Variants in TRIM24 observed in about 807,000 individuals in gnomAD.
TRIM24 encodes transcription intermediary factor 1-alpha.
In TRIM24, 29 loss-of-function variants were observed where a neutral mutation model predicts 123.9. The observed-to-expected ratio is 0.23, with a 90% confidence interval of 0.17 to 0.32. The LOEUF (loss-of-function observed/expected upper bound fraction) is 0.32. TRIM24 is among the 10% of genes least tolerant of loss of function. The pLI is 1.00. For missense variants in TRIM24, 932 were observed against 1,295.3 expected, an observed-to-expected ratio of 0.72 and a Z score of 4.31; for synonymous variants, 456 against 461.1, an observed-to-expected ratio of 0.99 and a Z score of 0.14.
At chr7:138,465,919 C>CT (rs1795125705) in intron 1 of TRIM24, among the ~76,000 whole-genome samples, 1 of 152,212 alleles carries the variant, frequency 6.6e-6, no homozygotes, top group Non-Finnish European at 1.5e-5. Context: ...GTTTACACTG[C>CT]TTGTACTACT....
intron 1 of TRIM24, among the ~76,000 whole-genome samples, chr7:138,472,803 C>CCAGCTGAACTAAATGT (rs1353362839): frequency 3.9e-4 from 59 of 152,278 alleles, no homozygotes; most frequent in African/African-American, 1.4e-3. Context: ...CTTCCTTCAT[C>CCAGCTGAACTAAATGT]CAGCTGAACT....
At position 138,483,197 on chromosome 7, in the gene TRIM24, A is replaced by G. The variant is rs1205235540; in HGVS notation, c.365-21093A>G. ...ACACTCCTCTGGCCTTGGCCTCCCA[A>G]AGTGCTGGGATCCTAGGCATTAGCC... is the stretch of plus-strand genomic sequence containing the variant. On this transcript the variant is annotated intron_variant, in intron 1 of 18. Transcript: ENST00000343526. Among the ~76,000 whole-genome samples the G allele has an allele frequency of 2.0e-5, 3 of 151,542 alleles. No individual in the cohort carries two copies. In the East Asian group the frequency reaches 5.8e-4, roughly 30 times the overall value.
At chr7:138,521,539 G>A (rs1340559465) in intron 4 of TRIM24, among the ~76,000 whole-genome samples, 2 of 151,992 alleles carry the variant, frequency 1.3e-5, no homozygotes, top group African/African-American at 4.8e-5. Flanking sequence ...AAAAAAATGA[G>A]AAAAAGAAAT....
intron 2 of TRIM24, 114 bp downstream of exon 2, chr7:138,504,522 G>T: frequency 1.6e-6 from 1 of 607,934 alleles, no homozygotes. Context: ...TTCACAAGTG[G>T]CGCAATCTCC....
intron 1 of TRIM24, among the ~76,000 whole-genome samples, chr7:138,482,532 G>A (rs529470112): frequency 2.0e-5 from 3 of 152,120 alleles, no homozygotes; most frequent in East Asian, 1.9e-4. Flanking sequence ...GAGGCACATC[G>A]TACACATATG....
chr7:138,516,398 G>A (rs1480790518), intron 3 of TRIM24, among the ~76,000 whole-genome samples: 1 of 152,174 alleles, frequency 6.6e-6, no homozygotes, highest in Non-Finnish European at 1.5e-5. Flanking sequence ...GTCTTGCTTT[G>A]TCACCCAGGC....
intron 4 of TRIM24, among the ~76,000 whole-genome samples, chr7:138,524,128 A>G (rs1203071706): frequency 2.0e-5 from 3 of 152,214 alleles, no homozygotes; most frequent in Non-Finnish European, 2.9e-5. Flanking sequence ...AGGAAAAAGT[A>G]TATGCCTATC....
chr7:138,516,634 C>T (rs984251213), intron 3 of TRIM24, among the ~76,000 whole-genome samples: 3 of 152,076 alleles, frequency 2.0e-5, no homozygotes, highest in Non-Finnish European at 4.4e-5. Context: ...GGATTACAAG[C>T]GTGAACCACT....
Position 138,573,786 on chromosome 7 carries a change from AC to A in TRIM24, c.2014+145del, listed in dbSNP as rs1267502706. 3 of 1,000,370 alleles carry A rather than the reference AC, an allele frequency of 3.0e-6. No homozygotes were observed. In the African/African-American group the frequency reaches 4.9e-5, roughly 16 times the overall value. The allele number at this position is 1,000,370 out of a possible 1,614,324, so 62.0% of individuals were successfully genotyped here. ...TAAAATTAGTATGCTTTCAGAGAAA[AC>A]AAAGGTTAAATTTCTTTATCCTTTC... is the stretch of plus-strand genomic sequence containing the variant. On this transcript the variant is annotated intron_variant, in intron 12 of 18. Coordinates refer to ENST00000343526, the MANE Select transcript of TRIM24 (RefSeq NM_015905.3).
chr7:138,520,719 A>G (rs988801341), intron 4 of TRIM24, among the ~76,000 whole-genome samples: 1 of 152,166 alleles, frequency 6.6e-6, no homozygotes, highest in African/African-American at 2.4e-5. Context: ...AAATTACAGT[A>G]ACTGAAATTA....
chr7:138,517,087 A>C (rs1342907400), intron 3 of TRIM24, among the ~76,000 whole-genome samples: 1 of 150,994 alleles, frequency 6.6e-6, no homozygotes, highest in African/African-American at 2.4e-5. Context: ...TCTGCGCGAC[A>C]GTGTGAGATC....
In TRIM24 at chr7:138,565,066, G is replaced by A. The variant is rs536215331; in HGVS notation, c.1531-2415G>A. 9.9e-5 allele frequency among the ~76,000 whole-genome samples: 15 copies of A among 152,118 alleles called. No homozygotes were observed. In the East Asian group the frequency reaches 1.4e-3, roughly 14 times the overall value. On this transcript the variant is annotated intron_variant, in intron 9 of 18. Transcript: ENST00000343526. Reference sequence around the variant, plus strand: ...CCATATGTGGAACACTGTTAGTCCCGGTCAGTCCCATGGTTCTCTCAGAGT... The same window carrying A: ...CCATATGTGGAACACTGTTAGTCCCAGTCAGTCCCATGGTTCTCTCAGAGT...
intron 1 of TRIM24, among the ~76,000 whole-genome samples, chr7:138,484,641 G>T (rs988778459): frequency 1.3e-5 from 2 of 151,938 alleles, no homozygotes; most frequent in African/African-American, 4.8e-5. Flanking sequence ...TTGGCCTGTG[G>T]TTTTTCTTTG....
chr7:138,521,593 TCTACAAATATA>T (rs1207135842), intron 4 of TRIM24, among the ~76,000 whole-genome samples: 1 of 152,118 alleles, frequency 6.6e-6, no homozygotes, highest in Admixed American at 6.6e-5. Flanking sequence ...AGTTGGTAGA[TCTACAAATATA>T]CTATAATTAT....
intron 18 of TRIM24, 128 bp downstream of exon 18, chr7:138,584,127 G>C: frequency 1.0e-6 from 1 of 997,050 alleles, no homozygotes; most frequent in East Asian, 2.7e-5. Flanking sequence ...TTTCAGATCA[G>C]GGAATGCAAG....
At chr7:138,540,943 A>G (rs988237626) in intron 7 of TRIM24, among the ~76,000 whole-genome samples, 2 of 152,014 alleles carry the variant, frequency 1.3e-5, no homozygotes, top group Non-Finnish European at 2.9e-5. Context: ...GGTTCAAGCA[A>G]TTCTCCTGCC....
intron 9 of TRIM24, among the ~76,000 whole-genome samples, chr7:138,563,327 A>G (rs1267284126): frequency 1.3e-5 from 2 of 152,006 alleles, no homozygotes; most frequent in African/African-American, 2.4e-5. Flanking sequence ...CCCTCTGGAC[A>G]CTGATTTTTT....
chr7:138,476,218 G>A (rs1180965926), intron 1 of TRIM24, among the ~76,000 whole-genome samples: 1 of 152,158 alleles, frequency 6.6e-6, no homozygotes, highest in African/African-American at 2.4e-5. Context: ...GTCATCTATT[G>A]CATATAAGAG....
At chr7:138,552,732 G>C (rs150630366) in intron 8 of TRIM24, among the ~76,000 whole-genome samples, 1 of 152,270 alleles carries the variant, frequency 6.6e-6, no homozygotes, top group African/African-American at 2.4e-5. Context: ...AATCCCGGAA[G>C]CAAAGGTGAT....
Sources: gnomAD v4.1 joint callset for allele counts (sites outside exome capture counted in the v4.1 genomes callset) on GRCh38, gnomAD v4.1.1 for gene constraint, MANE v1.5 for transcripts, NCBI Gene and HGNC (gene_info 2026-07-23, HGNC 2026-07-21) for gene names.